RIMS2: variants seen among roughly 807,000 people sequenced by gnomAD.
RIMS2 encodes regulating synaptic membrane exocytosis protein 2.
RIMS2 carries 59 observed loss-of-function variants against 174.4 expected under a neutral mutation model. The observed-to-expected ratio is 0.34, with a 90% CI of 0.27 to 0.42. The LOEUF (loss-of-function observed/expected upper bound fraction) is 0.42. Ranked by LOEUF, RIMS2 falls within the 10% of genes least tolerant of loss-of-function variation. RIMS2 has a pLI of 1.00. For missense variants in RIMS2, 1,620 were observed against 1,666.3 expected (o/e 0.97, Z 0.48); for synonymous variants, 606 against 572.5 (o/e 1.06, Z -0.84).
At chr8:103,948,276 T>G (rs1158376254) in intron 14 of RIMS2, among the ~76,000 whole-genome samples, 1 of 152,188 alleles carries the variant, frequency 6.6e-6, no homozygotes, top group Non-Finnish European at 1.5e-5. Context: ...GGAAAACAGT[T>G]TGGTCTTTGT....
chr8:103,598,565 G>T (rs1361423332), intron 1 of RIMS2, among the ~76,000 whole-genome samples: 1 of 152,144 alleles, frequency 6.6e-6, no homozygotes, highest in Non-Finnish European at 1.5e-5. Flanking sequence ...GCAGCAAGTG[G>T]TTAATGAATT....
intron 19 of RIMS2, among the ~76,000 whole-genome samples, chr8:104,160,942 A>G (rs758225224): frequency 2.0e-5 from 3 of 152,118 alleles, no homozygotes; most frequent in Non-Finnish European, 2.9e-5. Flanking sequence ...GAAAACATAA[A>G]TTTTAGAGTT....
chr8:103,575,498 A>G (rs750769540), intron 1 of RIMS2, among the ~76,000 whole-genome samples: 6 of 152,202 alleles, frequency 3.9e-5, no homozygotes, highest in Non-Finnish European at 5.9e-5. Flanking sequence ...CACTGCAACA[A>G]TGTTTATAAT....
At chr8:103,753,532 C>T (rs991733662) in intron 2 of RIMS2, among the ~76,000 whole-genome samples, 22 of 152,060 alleles carry the variant, frequency 1.4e-4, no homozygotes, top group African/African-American at 4.8e-4. Context: ...CTCCTTATAC[C>T]TCTGGTAGAA....
At chr8:103,587,718 A>G (rs1435578871) in intron 1 of RIMS2, among the ~76,000 whole-genome samples, 1 of 152,078 alleles carries the variant, frequency 6.6e-6, no homozygotes, top group African/African-American at 2.4e-5. Context: ...GCATTTCATA[A>G]TGAAAAATCC....
intron 4 of RIMS2, among the ~76,000 whole-genome samples, chr8:103,900,338 C>T (rs1315282803): frequency 6.6e-6 from 1 of 151,646 alleles, no homozygotes; most frequent in Non-Finnish European, 1.5e-5. Flanking sequence ...ATTCTCCTGC[C>T]TCAGCCTCCT....
chr8:104,036,855 C>T (rs1467043530), intron 19 of RIMS2, among the ~76,000 whole-genome samples: 1 of 152,008 alleles, frequency 6.6e-6, no homozygotes, highest in Non-Finnish European at 1.5e-5. Context: ...CCAGCCTGGG[C>T]AACAGAGTGA....
At chr8:104,036,100 G>T (rs2096507566) in intron 19 of RIMS2, among the ~76,000 whole-genome samples, 1 of 151,540 alleles carries the variant, frequency 6.6e-6, no homozygotes. Context: ...ATGATAAACA[G>T]CATGCTATAG....
chr8:103,578,302 G>T (rs1359614729), intron 1 of RIMS2, among the ~76,000 whole-genome samples: 1 of 152,146 alleles, frequency 6.6e-6, no homozygotes, highest in Non-Finnish European at 1.5e-5. Flanking sequence ...GGCCGAGGCA[G>T]GTGGATCATT....
At chr8:103,591,492 T>A (rs2094255248) in intron 1 of RIMS2, among the ~76,000 whole-genome samples, 1 of 151,258 alleles carries the variant, frequency 6.6e-6, no homozygotes, top group African/African-American at 2.4e-5. Flanking sequence ...TGTTTACCTC[T>A]AAATATTACA....
chr8:104,106,746 CAATT>C (rs1262569035), intron 19 of RIMS2, among the ~76,000 whole-genome samples: 1 of 152,120 alleles, frequency 6.6e-6, no homozygotes, highest in African/African-American at 2.4e-5. Context: ...CAAATAAGGA[CAATT>C]AATCTATAGC....
intron 1 of RIMS2, among the ~76,000 whole-genome samples, chr8:103,601,911 A>T (rs1483276454): frequency 6.6e-6 from 1 of 152,074 alleles, no homozygotes; most frequent in Non-Finnish European, 1.5e-5. Flanking sequence ...GCATAAACAA[A>T]CAAACTTGAC....
chr8:104,142,213 C>T (rs897195176), intron 19 of RIMS2, among the ~76,000 whole-genome samples: 12 of 150,568 alleles, frequency 8.0e-5, no homozygotes, highest in Non-Finnish European at 1.3e-4. Context: ...CCACAACCTC[C>T]GCCTCCCGGG....
At chr8:103,513,887 A>G (rs1340483577) in intron 1 of RIMS2, among the ~76,000 whole-genome samples, 2 of 152,164 alleles carry the variant, frequency 1.3e-5, no homozygotes, top group African/African-American at 4.8e-5. Flanking sequence ...TGGGGTCTTT[A>G]TTGATCCCAG....
At chr8:103,902,571 G>A (rs1427060857) in intron 4 of RIMS2, among the ~76,000 whole-genome samples, 1 of 152,042 alleles carries the variant, frequency 6.6e-6, no homozygotes, top group Non-Finnish European at 1.5e-5. Flanking sequence ...ACCTTTTTTA[G>A]TTGGACTTTG....
intron 15 of RIMS2, among the ~76,000 whole-genome samples, chr8:103,973,360 A>G (rs1005212842): frequency 6.6e-6 from 1 of 152,204 alleles, no homozygotes; most frequent in Non-Finnish European, 1.5e-5. Context: ...TGTGCTGTGC[A>G]TAATCATGGA....
chr8:103,956,726 G>A (rs2087373297), intron 14 of RIMS2, among the ~76,000 whole-genome samples: 1 of 152,124 alleles, frequency 6.6e-6, no homozygotes, highest in Admixed American at 6.6e-5. Flanking sequence ...AAAAGCAATG[G>A]CAACAAAAGC....
chr8:104,096,598 G>C (rs568600492), intron 19 of RIMS2, among the ~76,000 whole-genome samples: 1 of 152,088 alleles, frequency 6.6e-6, no homozygotes, highest in South Asian at 2.1e-4. Context: ...GGCCGGGTGC[G>C]ATGGCTCACG....
chr8:104,111,843 G>T (rs1329509549), intron 19 of RIMS2, among the ~76,000 whole-genome samples: 1 of 152,182 alleles, frequency 6.6e-6, no homozygotes, highest in East Asian at 1.9e-4. Context: ...ATGCATATGT[G>T]TGTCTATGTA....
Sources: gnomAD v4.1 joint callset for allele counts (sites outside exome capture counted in the v4.1 genomes callset) on GRCh38, gnomAD v4.1.1 for gene constraint, MANE v1.5 for transcripts, NCBI Gene and HGNC (gene_info 2026-07-23, HGNC 2026-07-21) for gene names.